Variants in BRINP3 observed in about 807,000 individuals in gnomAD.
BRINP3 encodes the protein BMP/retinoic acid-inducible neural-specific protein 3.
A neutral mutation model predicts 71.0 loss-of-function variants in BRINP3; 19 were observed. The ratio of observed to expected loss-of-function variants is 0.27; its 90% confidence interval spans 0.19 to 0.39. The LOEUF is 0.39. BRINP3 is among the 10% of genes least tolerant of loss of function. The pLI is 1.00. For missense variants in BRINP3, 959 were observed against 940.8 expected, an observed-to-expected ratio of 1.02 and a Z score of -0.25; for synonymous variants, 380 against 337.7, an observed-to-expected ratio of 1.13 and a Z score of -1.37.
chr1:190,337,623 C>A (rs1036029235), intron 2 of BRINP3, among the ~76,000 whole-genome samples: 1 of 152,040 alleles, frequency 6.6e-6, no homozygotes, highest in African/African-American at 2.4e-5. Context: ...CAGTCATTTG[C>A]CAGGGGCTCT....
intron 6 of BRINP3, among the ~76,000 whole-genome samples, chr1:190,162,831 G>A (rs942741054): frequency 4.6e-5 from 7 of 152,052 alleles, no homozygotes; most frequent in African/African-American, 1.4e-4. Context: ...AAGAAATAGG[G>A]TTTTAATATG....
chr1:190,316,695 A>C (rs1467290517), intron 2 of BRINP3, among the ~76,000 whole-genome samples: 1 of 152,102 alleles, frequency 6.6e-6, no homozygotes, highest in Non-Finnish European at 1.5e-5. Flanking sequence ...TCTCAAATCC[A>C]TTTCAATTCT....
chr1:190,375,340 C>A (rs911042875), intron 2 of BRINP3, among the ~76,000 whole-genome samples: 1 of 151,770 alleles, frequency 6.6e-6, no homozygotes, highest in African/African-American at 2.4e-5. Flanking sequence ...GTGTAAAAGA[C>A]AAGGCCATGT....
intron 2 of BRINP3, among the ~76,000 whole-genome samples, chr1:190,282,144 T>C (rs1663088885): frequency 6.6e-6 from 1 of 151,944 alleles, no homozygotes; most frequent in Non-Finnish European, 1.5e-5. Context: ...ATCACCCTAA[T>C]GATTCCCTTT....
intron 2 of BRINP3, among the ~76,000 whole-genome samples, chr1:190,314,179 A>C (rs1665725095): frequency 6.6e-6 from 1 of 152,092 alleles, no homozygotes; most frequent in South Asian, 2.1e-4. Context: ...CTGTACCAAA[A>C]ATTGTAATTT....
At chr1:190,211,982 C>T (rs1656027039) in intron 6 of BRINP3, among the ~76,000 whole-genome samples, 1 of 152,062 alleles carries the variant, frequency 6.6e-6, no homozygotes, top group Non-Finnish European at 1.5e-5. Flanking sequence ...TAAATACCCT[C>T]CCTGGTACTG....
At chr1:190,418,796 A>C (rs1484845137) in intron 2 of BRINP3, among the ~76,000 whole-genome samples, 1 of 152,114 alleles carries the variant, frequency 6.6e-6, no homozygotes, top group Non-Finnish European at 1.5e-5. Context: ...GATCCTCCTC[A>C]TACTCTGGCT....
At chr1:190,172,096 T>A (rs1210354461) in intron 6 of BRINP3, among the ~76,000 whole-genome samples, 1 of 150,424 alleles carries the variant, frequency 6.6e-6, no homozygotes, top group Non-Finnish European at 1.5e-5. Flanking sequence ...CAAGATCTTA[T>A]ATCAAAAATA....
intron 2 of BRINP3, among the ~76,000 whole-genome samples, chr1:190,297,758 T>G (rs1368866240): frequency 6.6e-6 from 1 of 151,310 alleles, no homozygotes. Context: ...TCCTTTTATA[T>G]GTAGCTGAAT....
At chr1:190,104,055 A>T (rs1372619729) in intron 7 of BRINP3, among the ~76,000 whole-genome samples, 1 of 152,042 alleles carries the variant, frequency 6.6e-6, no homozygotes, top group Non-Finnish European at 1.5e-5. Context: ...CAGAGGAAAA[A>T]ATCTAAATAT....
chr1:190,445,371 G>A (rs1266918214), intron 2 of BRINP3, among the ~76,000 whole-genome samples: 3 of 151,994 alleles, frequency 2.0e-5, no homozygotes, highest in African/African-American at 7.2e-5. Flanking sequence ...TTAATATTAG[G>A]ACTAATTTAT....
At chr1:190,281,854 T>G in intron 2 of BRINP3, 104 bp from the exon 3 acceptor site, 1 of 1,017,272 alleles carries the variant, frequency 9.8e-7, no homozygotes, top group Non-Finnish European at 1.4e-6. Flanking sequence ...TGTCTCTTGC[T>G]TGTAATACTA....
chr1:190,214,872 A>G (rs530964191), intron 6 of BRINP3, among the ~76,000 whole-genome samples: 40 of 152,062 alleles, frequency 2.6e-4, no homozygotes, highest in Middle Eastern at 3.4e-3. Context: ...TTGACTTAAC[A>G]GTGAAGGACA....
intron 5 of BRINP3, among the ~76,000 whole-genome samples, chr1:190,230,829 A>T (rs1313096143): frequency 1.3e-5 from 2 of 151,638 alleles, no homozygotes; most frequent in Non-Finnish European, 3.0e-5. Context: ...TCATTATTTC[A>T]TTCGACTATC....
At chr1:190,386,417 TA>T (rs532700435) in intron 2 of BRINP3, among the ~76,000 whole-genome samples, 1 of 151,552 alleles carries the variant, frequency 6.6e-6, no homozygotes, top group African/African-American at 2.4e-5. Context: ...TACCAGATTT[TA>T]AAAAAATGTA....
rs1558037412 is a variant in BRINP3 at position 190,177,147 on chromosome 1, C to CGTCTTTTTTTTTTTTTTTTTT, written c.962-16258_962-16257insAAAAAAAAAAAAAAAAAAGAC. ...TGTTGGTTTGTCATGGAAGCACCCA[C>CGTCTTTTTTTTTTTTTTTTTT]TTCTTTTTTTTTTTTTTTTTTTTTT... On this transcript the variant is annotated intron_variant, in intron 6 of 7. Transcript: ENST00000367462. Among the ~76,000 whole-genome samples the CGTCTTTTTTTTTTTTTTTTTT allele has an allele frequency of 1.5e-5, 2 of 129,870 alleles. 1 individual carries two copies. The highest frequency in any genetic ancestry group is 5.8e-5 in the African/African-American group (2 of 34,198). 85.2% of individuals were successfully genotyped at this position (129,870 alleles called of 152,430 possible).
intron 7 of BRINP3, among the ~76,000 whole-genome samples, chr1:190,144,178 T>C (rs957454270): frequency 1.3e-5 from 2 of 152,154 alleles, no homozygotes. Context: ...CTTTTTGAAA[T>C]GCAACCCCCT....
intron 7 of BRINP3, among the ~76,000 whole-genome samples, chr1:190,109,449 C>T (rs981126275): frequency 7.9e-5 from 12 of 152,190 alleles, no homozygotes; most frequent in Admixed American, 1.3e-4. Context: ...CCTATTGACA[C>T]ATTCCTCATA....
intron 2 of BRINP3, among the ~76,000 whole-genome samples, chr1:190,434,263 C>T (rs1298694813): frequency 6.6e-6 from 1 of 151,982 alleles, no homozygotes; most frequent in Admixed American, 6.6e-5. Context: ...ATGCCCACCA[C>T]CACGCCTGGC....
Sources: allele counts gnomAD v4.1 joint callset (sites outside exome capture counted in the v4.1 genomes callset), GRCh38; gene constraint gnomAD v4.1.1; transcripts MANE v1.5; gene names NCBI Gene and HGNC (gene_info 2026-07-23, HGNC 2026-07-21).